The following ARHGAP24 variants were observed in gnomAD, a reference collection of about 807,000 sequenced individuals.
ARHGAP24 encodes Rho GTPase activating protein 24.
In ARHGAP24, 50 loss-of-function variants were observed where a neutral mutation model predicts 76.4. The observed-to-expected ratio is 0.65, with a 90% CI of 0.52 to 0.83. ARHGAP24 has a LOEUF of 0.83. ARHGAP24 is among the 40% of genes least tolerant of loss of function. The pLI is 0.00. For synonymous variants in ARHGAP24, 345 were observed against 323.3 expected (o/e 1.07, Z -0.72); for missense variants, 930 against 914.2 (o/e 1.02, Z -0.22).
intron 2 of ARHGAP24, among the ~76,000 whole-genome samples, chr4:85,708,331 A>G (rs775456026): frequency 5.9e-5 from 9 of 152,152 alleles, no homozygotes; most frequent in Non-Finnish European, 7.4e-5. Flanking sequence ...AATAGCTGCT[A>G]TTTACTAATC....
chr4:85,782,056 A>G (rs1016479872), intron 3 of ARHGAP24, among the ~76,000 whole-genome samples: 1 of 91,202 alleles, frequency 1.1e-5, no homozygotes. Flanking sequence ...AAAAAAGAAA[A>G]AAAAAAGAAA....
intron 2 of ARHGAP24, among the ~76,000 whole-genome samples, chr4:85,659,378 A>C (rs2109990277): frequency 6.6e-6 from 1 of 152,360 alleles, no homozygotes; most frequent in African/African-American, 2.4e-5. Flanking sequence ...AATATCATAA[A>C]GTAAAAATAA....
intron 3 of ARHGAP24, among the ~76,000 whole-genome samples, chr4:85,764,256 T>G (rs1212007974): frequency 1.3e-5 from 2 of 152,120 alleles, no homozygotes; most frequent in African/African-American, 4.8e-5. Flanking sequence ...AGAGAGATGC[T>G]GAAGGGATCT....
chr4:85,875,790 G>T (rs2110199403), intron 3 of ARHGAP24, among the ~76,000 whole-genome samples: 1 of 149,316 alleles, frequency 6.7e-6, no homozygotes, highest in South Asian at 2.1e-4. Context: ...TGTCCAGGCT[G>T]GAGTGCAGTG....
chr4:85,651,940 A>T (rs2109981879), intron 2 of ARHGAP24, among the ~76,000 whole-genome samples: 1 of 152,264 alleles, frequency 6.6e-6, no homozygotes, highest in Non-Finnish European at 1.5e-5. Flanking sequence ...TTATTCAAAA[A>T]TTTTTGATAG....
intron 3 of ARHGAP24, among the ~76,000 whole-genome samples, chr4:85,896,310 T>C (rs1453056910): frequency 6.6e-6 from 1 of 152,236 alleles, no homozygotes; most frequent in Non-Finnish European, 1.5e-5. Flanking sequence ...TCTGTATTAC[T>C]ATATTATCTT....
chr4:85,595,505 C>T (rs1377554587), intron 2 of ARHGAP24, among the ~76,000 whole-genome samples: 4 of 152,062 alleles, frequency 2.6e-5, no homozygotes, highest in African/African-American at 9.7e-5. Context: ...CAGTGTGTAG[C>T]ATTTGCTCAT....
chr4:85,809,939 C>T (rs1231637918), intron 3 of ARHGAP24, among the ~76,000 whole-genome samples: 1 of 152,132 alleles, frequency 6.6e-6, no homozygotes, highest in African/African-American at 2.4e-5. Flanking sequence ...GATTTATAAC[C>T]TACCCAGCAT....
At chr4:85,716,293 C>G (rs1724730984) in intron 2 of ARHGAP24, among the ~76,000 whole-genome samples, 1 of 152,064 alleles carries the variant, frequency 6.6e-6, no homozygotes. Context: ...TAGCTGACAG[C>G]AAACTACTAG....
chr4:85,753,855 G>A (rs1726364115), intron 3 of ARHGAP24, among the ~76,000 whole-genome samples: 1 of 152,048 alleles, frequency 6.6e-6, no homozygotes. Context: ...ATCAAATCAG[G>A]GAAATCAGGA....
intron 1 of ARHGAP24, among the ~76,000 whole-genome samples, chr4:85,554,635 A>G (rs1172732940): frequency 2.0e-5 from 3 of 151,852 alleles, no homozygotes; most frequent in Non-Finnish European, 2.9e-5. Flanking sequence ...GCTCTATCAG[A>G]TCAGTTTGGT....
At chr4:85,671,809 C>T (rs756993769) in intron 2 of ARHGAP24, among the ~76,000 whole-genome samples, 2 of 152,156 alleles carry the variant, frequency 1.3e-5, no homozygotes, top group Non-Finnish European at 2.9e-5. Context: ...AATGCCTCTA[C>T]TAAAAAGAAG....
intron 3 of ARHGAP24, among the ~76,000 whole-genome samples, chr4:85,745,165 A>G (rs1272921734): frequency 6.6e-6 from 1 of 151,970 alleles, no homozygotes; most frequent in African/African-American, 2.4e-5. Flanking sequence ...GCGGCCGGGA[A>G]TGGTGACTCA....
chr4:85,560,402 C>T (rs1027870953), intron 1 of ARHGAP24, among the ~76,000 whole-genome samples: 1 of 152,018 alleles, frequency 6.6e-6, no homozygotes, highest in Non-Finnish European at 1.5e-5. Flanking sequence ...TTTTATGGTT[C>T]ATTTCAGTAA....
chr4:85,962,231 C>T (rs1389426789), intron 5 of ARHGAP24, among the ~76,000 whole-genome samples: 1 of 151,968 alleles, frequency 6.6e-6, no homozygotes, highest in African/African-American at 2.4e-5. Flanking sequence ...GCTATGTAAA[C>T]TCTCAATGAA....
chr4:85,820,986 A>G (rs571312601), intron 3 of ARHGAP24, among the ~76,000 whole-genome samples: 27 of 152,238 alleles, frequency 1.8e-4, no homozygotes, highest in Middle Eastern at 3.4e-3. Flanking sequence ...TTATTTGTCT[A>G]TTTTACAGTT....
At chr4:85,511,092 TA>T (rs1220482267) in intron 1 of ARHGAP24, among the ~76,000 whole-genome samples, 4 of 152,174 alleles carry the variant, frequency 2.6e-5, no homozygotes, top group African/African-American at 9.7e-5. Context: ...TCAGAATAAA[TA>T]TTGGTTATTC....
At chr4:85,939,808 T>C (rs1736854421) in intron 4 of ARHGAP24, among the ~76,000 whole-genome samples, 1 of 152,102 alleles carries the variant, frequency 6.6e-6, no homozygotes, top group African/African-American at 2.4e-5. Context: ...GCACACATGG[T>C]CATTGAATTG....
chr4:85,606,182 A>T (rs1232847302), intron 2 of ARHGAP24, among the ~76,000 whole-genome samples: 2 of 152,156 alleles, frequency 1.3e-5, no homozygotes, highest in Non-Finnish European at 2.9e-5. Context: ...GGGGCATCAG[A>T]CCTCAAAGGG....
Sources: gnomAD v4.1 joint callset for allele counts (sites outside exome capture counted in the v4.1 genomes callset) on GRCh38, gnomAD v4.1.1 for gene constraint, MANE v1.5 for transcripts, NCBI Gene and HGNC (gene_info 2026-07-23, HGNC 2026-07-21) for gene names.